The following CFDP1 variants were observed in gnomAD, a reference collection of about 807,000 sequenced individuals.
CFDP1 encodes chromatin remodeling protein CFDP1.
CFDP1 carries 31 observed loss-of-function variants against 40.1 expected under a neutral mutation model. The observed-to-expected ratio is 0.77, with a 90% CI of 0.58 to 1.04. The LOEUF (loss-of-function observed/expected upper bound fraction) is 1.04. Among genes scored for constraint, CFDP1 ranks in the 50% least tolerant of loss-of-function variants. The pLI is 0.00. For missense variants in CFDP1, 423 were observed against 343.4 expected (o/e 1.23, Z -1.83); for synonymous variants, 167 against 120.0 (o/e 1.39, Z -2.56).
chr16:75,386,656 C>T (rs2078900490), intron 5 of CFDP1, among the ~76,000 whole-genome samples: 1 of 152,028 alleles, frequency 6.6e-6, no homozygotes, highest in Non-Finnish European at 1.5e-5. Flanking sequence ...ACCTGGGAGG[C>T]GAAGGCTGCA....
Position 75,346,068 on chromosome 16 carries a change from T to C in CFDP1, c.651-40886A>G, listed in dbSNP as rs151164491. On this transcript the variant is annotated intron_variant, in intron 5 of 6. Transcript: ENST00000283882. ...CGGAACAATGGCTCAAATGTCAATG[T>C]TCAGTACTCCCAATGCATCTCCCAT... 3.1e-4 allele frequency among the ~76,000 whole-genome samples: 47 copies of C among 152,350 alleles called. 1 individual carries two copies. The highest frequency in any genetic ancestry group is 6.8e-3 in the Middle Eastern group (2 of 294).
chr16:75,333,742 G>C (rs541311930), intron 5 of CFDP1, among the ~76,000 whole-genome samples: 1 of 152,308 alleles, frequency 6.6e-6, no homozygotes, highest in South Asian at 2.1e-4. Flanking sequence ...GTCCTGAAAT[G>C]CCACAGACTG....
intron 5 of CFDP1, among the ~76,000 whole-genome samples, chr16:75,350,628 T>C (rs2078604172): frequency 6.6e-6 from 1 of 152,084 alleles, no homozygotes; most frequent in Admixed American, 6.5e-5. Context: ...CAAAAACATA[T>C]AAGCATAAGA....
At chr16:75,393,737 CAAAAAAAAAAAAAAAAAAA>C (rs61344775) in intron 5 of CFDP1, among the ~76,000 whole-genome samples, 11,794 of 80,240 alleles carry the variant, frequency 0.15, 1,411 homozygotes, top group East Asian at 0.37. Flanking sequence ...GACTCCGTCG[CAAAAAAAAAAAAAAAAAAA>C]AAAAAAAAAA....
At chr16:75,377,302 A>G (rs1371855408) in intron 5 of CFDP1, among the ~76,000 whole-genome samples, 1 of 152,260 alleles carries the variant, frequency 6.6e-6, no homozygotes, top group Admixed American at 6.5e-5. Context: ...TGAATAGATG[A>G]ATACATGAAG....
chr16:75,413,811 G>C (rs1306551481), intron 2 of CFDP1, among the ~76,000 whole-genome samples: 2 of 152,152 alleles, frequency 1.3e-5, no homozygotes, highest in African/African-American at 4.8e-5. Context: ...TAATTTTCAT[G>C]GGAAAAGAAG....
At position 75,396,044 on chromosome 16, in the gene CFDP1, G is replaced by A. The variant is rs1184967366; in HGVS notation, c.531-835C>T. The stretch of plus-strand genomic sequence containing the variant: ...ATGACTTCTCAGCATGAAACACACT[G>A]CAGCAGTCAATACTAAATCTCCATG... On this transcript the variant is annotated intron_variant, in intron 4 of 6. Coordinates refer to ENST00000283882, the MANE Select transcript of CFDP1 (RefSeq NM_006324.3). Among the ~76,000 whole-genome samples, 2 of 103,026 alleles carry A rather than the reference G, an allele frequency of 1.9e-5. 1 individual carries two copies. Among genetic ancestry groups the A allele is most frequent in the Non-Finnish European group, 4.6e-5 (2 of 43,146 alleles). The allele number at this position is 103,026 out of a possible 152,430, so 67.6% of individuals were successfully genotyped here. A position where few individuals can be genotyped will look rare whatever the true frequency, so the allele number is the denominator to read the frequency against.
At chr16:75,424,614 C>T (rs1225849864) in intron 1 of CFDP1, among the ~76,000 whole-genome samples, 3 of 151,966 alleles carry the variant, frequency 2.0e-5, no homozygotes, top group South Asian at 2.1e-4. Flanking sequence ...ACTTAGCGGG[C>T]GTGGTGGCGG....
At chr16:75,333,897 C>A (rs1178659765) in intron 5 of CFDP1, among the ~76,000 whole-genome samples, 2 of 152,110 alleles carry the variant, frequency 1.3e-5, no homozygotes, top group African/African-American at 4.8e-5. Flanking sequence ...ACAAGCGATT[C>A]AAAAATAAGG....
chr16:75,350,042 G>A (rs1336837243), intron 5 of CFDP1, among the ~76,000 whole-genome samples: 2 of 151,966 alleles, frequency 1.3e-5, no homozygotes, highest in Non-Finnish European at 2.9e-5. Flanking sequence ...TTATCAGATT[G>A]AGGAAGTTCC....
At chr16:75,397,136 G>A (rs1041369692) in intron 4 of CFDP1, among the ~76,000 whole-genome samples, 17 of 151,854 alleles carry the variant, frequency 1.1e-4, no homozygotes, top group African/African-American at 2.7e-4. Flanking sequence ...GGATGGTCTT[G>A]ATCTCCTGAC....
chr16:75,396,105 A>C lies in CFDP1; in HGVS notation c.531-896T>G, dbSNP rs1389764205. 1.9e-5 allele frequency among the ~76,000 whole-genome samples: 2 copies of C among 103,766 alleles called. 1 individual carries two copies. The highest frequency in any genetic ancestry group is 2.5e-4 in the Admixed American group (2 of 8,046). The allele number at this position is 103,766 out of a possible 152,430, so 68.1% of individuals were successfully genotyped here. On this transcript the variant is annotated intron_variant, in intron 4 of 6. Coordinates refer to ENST00000283882, the MANE Select transcript of CFDP1 (RefSeq NM_006324.3). ...GATGTGAAGGCTGAAAAAGGCCCTCACACTGCACCCCACATGCAGATTAGC... is the reference window on the plus strand; with the variant it reads ...GATGTGAAGGCTGAAAAAGGCCCTCCCACTGCACCCCACATGCAGATTAGC...
chr16:75,409,579 C>G (rs919532193), intron 4 of CFDP1: 4 of 152,188 alleles, frequency 2.6e-5, no homozygotes, highest in Admixed American at 1.3e-4. Context: ...GGGTCCTTCA[C>G]TATAGATAGT....
At chr16:75,368,557 T>C (rs762151494) in intron 5 of CFDP1, among the ~76,000 whole-genome samples, 6 of 152,250 alleles carry the variant, frequency 3.9e-5, no homozygotes, top group African/African-American at 9.6e-5. Context: ...AGTATTCAAC[T>C]TGATAACACA....
chr16:75,343,555 A>G (rs562109778), intron 5 of CFDP1, among the ~76,000 whole-genome samples: 2 of 152,358 alleles, frequency 1.3e-5, no homozygotes, highest in South Asian at 2.1e-4. Flanking sequence ...AGCTAGGCCA[A>G]TTCCCAGTCA....
Position 75,401,840 on chromosome 16 carries a change from G to A in CFDP1, c.531-6631C>T, listed in dbSNP as rs114889025. On this transcript the variant is annotated intron_variant, in intron 4 of 6. Transcript: ENST00000283882. ...AACCTAGATCCAAGCACTGTTAGAT[G>A]TTGAACATATAAAAAAAAATATGGC... Among the ~76,000 whole-genome samples the A allele has an allele frequency of 5.7e-3, 692 of 121,614 alleles. 3 individuals carry two copies. Among genetic ancestry groups the A allele is most frequent in the African/African-American group, 0.017 (641 of 37,682 alleles). 79.8% of individuals were successfully genotyped at this position (121,614 alleles called of 152,430 possible). A position where few individuals can be genotyped will look rare whatever the true frequency, so the allele number is the denominator to read the frequency against.
At chr16:75,415,385 T>C (rs2079194701) in intron 1 of CFDP1, among the ~76,000 whole-genome samples, 2 of 152,176 alleles carry the variant, frequency 1.3e-5, no homozygotes, top group Non-Finnish European at 1.5e-5. Flanking sequence ...GAAGTGTACA[T>C]ACCAAAAAGC....
intron 4 of CFDP1, among the ~76,000 whole-genome samples, chr16:75,399,610 C>T (rs986372732): frequency 5.9e-5 from 9 of 152,230 alleles, no homozygotes; most frequent in Middle Eastern, 3.4e-3. Flanking sequence ...AACTCCTGGG[C>T]TCAAGTGGTC....
intron 5 of CFDP1, among the ~76,000 whole-genome samples, chr16:75,354,266 T>A (rs1471644427): frequency 6.6e-6 from 1 of 152,206 alleles, no homozygotes; most frequent in Non-Finnish European, 1.5e-5. Context: ...ACAATGCATT[T>A]ATTGGGACAT....
Sources: gnomAD v4.1 joint callset for allele counts (sites outside exome capture counted in the v4.1 genomes callset) on GRCh38, gnomAD v4.1.1 for gene constraint, MANE v1.5 for transcripts, NCBI Gene and HGNC (gene_info 2026-07-23, HGNC 2026-07-21) for gene names.